SLC2A13: variants seen among roughly 807,000 people sequenced by gnomAD.
SLC2A13 encodes the protein proton myo-inositol cotransporter.
A neutral mutation model predicts 64.4 loss-of-function variants in SLC2A13; 32 were observed. The observed-to-expected ratio is 0.50, with a 90% CI of 0.37 to 0.67. SLC2A13 has a LOEUF of 0.67. Ranked by LOEUF, SLC2A13 falls within the 30% of genes least tolerant of loss-of-function variation. SLC2A13 has a pLI of 0.00. For synonymous variants in SLC2A13, 338 were observed against 327.1 expected (o/e 1.03, Z -0.36); for missense variants, 743 against 829.2 (o/e 0.90, Z 1.28).
chr12:39,988,344 T>A (rs961800769), intron 3 of SLC2A13, among the ~76,000 whole-genome samples: 2 of 151,876 alleles, frequency 1.3e-5, no homozygotes, highest in Admixed American at 1.3e-4. Flanking sequence ...TTGAAAAAAA[T>A]TATTGCATTG....
intron 4 of SLC2A13, among the ~76,000 whole-genome samples, chr12:39,929,684 A>G (rs1945790768): frequency 6.6e-6 from 1 of 152,212 alleles, no homozygotes; most frequent in African/African-American, 2.4e-5. Context: ...TGGAGGCTGC[A>G]GGAGAAAGTT....
intron 1 of SLC2A13, among the ~76,000 whole-genome samples, chr12:40,052,043 G>A (rs1038611439): frequency 1.3e-5 from 2 of 152,022 alleles, no homozygotes; most frequent in African/African-American, 4.8e-5. Flanking sequence ...AGGATGTGAA[G>A]GATAAAGAGA....
chr12:39,764,682 A>T, intron 8 of SLC2A13, 55 bp downstream of exon 8: 1 of 1,591,898 alleles, frequency 6.3e-7, no homozygotes, highest in Non-Finnish European at 8.5e-7. Flanking sequence ...TAGTTTATCT[A>T]CTCCAAAAAG....
chr12:40,077,415 TC>T (rs1938219804), intron 1 of SLC2A13, among the ~76,000 whole-genome samples: 1 of 152,224 alleles, frequency 6.6e-6, no homozygotes. Context: ...GGTAATCCTT[TC>T]CCCATTGCTT....
chr12:39,999,901 G>A (rs1947295773), intron 3 of SLC2A13, among the ~76,000 whole-genome samples: 2 of 152,178 alleles, frequency 1.3e-5, no homozygotes, highest in South Asian at 4.1e-4. Flanking sequence ...GCTCAGGTGG[G>A]CATCACGGTC....
At chr12:39,776,116 C>A (rs1940767784) in intron 7 of SLC2A13, among the ~76,000 whole-genome samples, 3 of 152,188 alleles carry the variant, frequency 2.0e-5, no homozygotes, top group Admixed American at 1.3e-4. Flanking sequence ...TTCCCCCCTA[C>A]AATTTTTCCC....
chr12:40,073,962 T>C (rs996749263), intron 1 of SLC2A13, among the ~76,000 whole-genome samples: 11 of 152,076 alleles, frequency 7.2e-5, no homozygotes, highest in Non-Finnish European at 1.6e-4. Flanking sequence ...TTTCTTCTTT[T>C]CCTTTCTCTC....
chr12:39,766,777 T>C (rs1940365031), intron 7 of SLC2A13, among the ~76,000 whole-genome samples: 1 of 152,110 alleles, frequency 6.6e-6, no homozygotes, highest in Non-Finnish European at 1.5e-5. Context: ...GAAACTACTT[T>C]CTTTGTTCCT....
chr12:39,804,122 TG>T (rs1046832541), intron 7 of SLC2A13, among the ~76,000 whole-genome samples: 1 of 151,870 alleles, frequency 6.6e-6, no homozygotes, highest in African/African-American at 2.4e-5. Flanking sequence ...GTTAGAGTGG[TG>T]GGGAAAAAAA....
chr12:40,089,175 G>C (rs1938682949), intron 1 of SLC2A13, among the ~76,000 whole-genome samples: 1 of 152,132 alleles, frequency 6.6e-6, no homozygotes, highest in African/African-American at 2.4e-5. Flanking sequence ...ATGGCTTTCA[G>C]AGTGGTCATC....
chr12:39,802,527 C>T (rs1035918871), intron 7 of SLC2A13: 4 of 152,030 alleles, frequency 2.6e-5, no homozygotes, highest in African/African-American at 9.7e-5. Flanking sequence ...GCATAGTGTA[C>T]TTGATTAAAA....
chr12:39,996,995 A>C (rs1947242401), intron 3 of SLC2A13, among the ~76,000 whole-genome samples: 1 of 152,178 alleles, frequency 6.6e-6, no homozygotes, highest in African/African-American at 2.4e-5. Context: ...AATTCCAATC[A>C]AAATACCACC....
At chr12:40,101,219 A>C (rs1200869187) in intron 1 of SLC2A13, among the ~76,000 whole-genome samples, 3 of 152,162 alleles carry the variant, frequency 2.0e-5, no homozygotes, top group Non-Finnish European at 4.4e-5. Flanking sequence ...ATAATGCCAT[A>C]TTTAAAACAG....
intron 4 of SLC2A13, among the ~76,000 whole-genome samples, chr12:39,940,618 G>A (rs892850190): frequency 6.6e-6 from 1 of 152,022 alleles, no homozygotes; most frequent in African/African-American, 2.4e-5. Flanking sequence ...AGAACCTGAT[G>A]AGGTTAATGG....
chr12:39,800,399 G>GA (rs1235851059), intron 7 of SLC2A13, among the ~76,000 whole-genome samples: 1 of 150,150 alleles, frequency 6.7e-6, no homozygotes, highest in African/African-American at 2.5e-5. Context: ...AAATTTACAA[G>GA]AAAAAAACAA....
chr12:39,822,715 C>G (rs1266470415), intron 7 of SLC2A13, among the ~76,000 whole-genome samples: 1 of 152,144 alleles, frequency 6.6e-6, no homozygotes, highest in Non-Finnish European at 1.5e-5. Context: ...AAATAACTCA[C>G]AGTCTACTTT....
chr12:40,067,169 G>A (rs1241846814), intron 1 of SLC2A13, among the ~76,000 whole-genome samples: 2 of 152,050 alleles, frequency 1.3e-5, no homozygotes, highest in Non-Finnish European at 2.9e-5. Context: ...GGATGCATGA[G>A]GAAAGCATAA....
intron 2 of SLC2A13, among the ~76,000 whole-genome samples, chr12:40,042,852 C>T (rs971727282): frequency 6.7e-6 from 1 of 149,008 alleles, no homozygotes; most frequent in Non-Finnish European, 1.5e-5. Flanking sequence ...GACAAAGGAA[C>T]AGAGTTTCCA....
chr12:40,079,243 T>C (rs1851235165), intron 1 of SLC2A13, among the ~76,000 whole-genome samples: 1 of 152,230 alleles, frequency 6.6e-6, no homozygotes, highest in African/African-American at 2.4e-5. Flanking sequence ...TAACTTGATG[T>C]AAGCATTTAG....
Sources: allele counts gnomAD v4.1 joint callset (sites outside exome capture counted in the v4.1 genomes callset), GRCh38; gene constraint gnomAD v4.1.1; transcripts MANE v1.5; gene names NCBI Gene and HGNC (gene_info 2026-07-23, HGNC 2026-07-21).